The following CTNNA3 variants were observed in gnomAD, a reference collection of about 807,000 sequenced individuals.
CTNNA3 encodes catenin alpha 3, also known as catenin alpha-3.
In CTNNA3, 76 loss-of-function variants were observed where a neutral mutation model predicts 95.7. The observed-to-expected ratio is 0.79, with a 90% CI of 0.66 to 0.96. The LOEUF is 0.96. Ranked by LOEUF, CTNNA3 falls within the 40% of genes least tolerant of loss-of-function variation. CTNNA3 has a pLI of 0.00. For missense variants in CTNNA3, 1,191 were observed against 1,089.8 expected, an observed-to-expected ratio of 1.09 and a Z score of -1.31; for synonymous variants, 431 against 374.4, an observed-to-expected ratio of 1.15 and a Z score of -1.74.
intron 7 of CTNNA3, among the ~76,000 whole-genome samples, chr10:67,040,812 G>T (rs1854347004): frequency 6.6e-6 from 1 of 152,032 alleles, no homozygotes; most frequent in South Asian, 2.1e-4. Flanking sequence ...TATACCACAT[G>T]ATGTTAAATT....
intron 13 of CTNNA3, among the ~76,000 whole-genome samples, chr10:66,121,395 A>G (rs1258563852): frequency 6.6e-6 from 1 of 152,186 alleles, no homozygotes; most frequent in Non-Finnish European, 1.5e-5. Context: ...TATTCCTTCA[A>G]AAGAAGCTCC....
intron 7 of CTNNA3, among the ~76,000 whole-genome samples, chr10:66,924,407 C>T (rs1846951959): frequency 1.3e-5 from 2 of 152,114 alleles, no homozygotes; most frequent in Admixed American, 1.3e-4. Flanking sequence ...TTCAAGAATA[C>T]CATTATTTTT....
intron 9 of CTNNA3, among the ~76,000 whole-genome samples, chr10:66,694,723 T>C (rs1300888167): frequency 6.6e-6 from 1 of 152,134 alleles, no homozygotes; most frequent in Admixed American, 6.6e-5. Context: ...CATCAAACAA[T>C]AGCATACCAT....
chr10:67,724,242 G>A (rs1841196512), intron 1 of CTNNA3, among the ~76,000 whole-genome samples: 1 of 152,060 alleles, frequency 6.6e-6, no homozygotes, highest in South Asian at 2.1e-4. Context: ...TACCAGGAGT[G>A]GGCCTAGAAA....
At chr10:67,658,933 TG>T (rs1840101910) in intron 1 of CTNNA3, among the ~76,000 whole-genome samples, 1 of 152,160 alleles carries the variant, frequency 6.6e-6, no homozygotes, top group Non-Finnish European at 1.5e-5. Context: ...ATCTTATTGA[TG>T]TTTTTGAAAA....
intron 12 of CTNNA3, among the ~76,000 whole-genome samples, chr10:66,291,470 A>G (rs1272877522): frequency 6.6e-6 from 1 of 152,140 alleles, no homozygotes; most frequent in Non-Finnish European, 1.5e-5. Flanking sequence ...CACTTTTAGC[A>G]GATACAATTG....
chr10:67,120,076 A>G (rs1859384699), intron 7 of CTNNA3, among the ~76,000 whole-genome samples: 1 of 151,958 alleles, frequency 6.6e-6, no homozygotes, highest in African/African-American at 2.4e-5. Context: ...AGCACACAAG[A>G]GGGATGCAGA....
At chr10:66,702,387 T>C (rs1847973701) in intron 9 of CTNNA3, among the ~76,000 whole-genome samples, 1 of 152,006 alleles carries the variant, frequency 6.6e-6, no homozygotes, top group Non-Finnish European at 1.5e-5. Context: ...GTGGATGGCT[T>C]TTAAAAATGT....
intron 7 of CTNNA3, among the ~76,000 whole-genome samples, chr10:67,052,220 C>T (rs1038868132): frequency 6.6e-6 from 1 of 151,582 alleles, no homozygotes; most frequent in East Asian, 2.0e-4. Flanking sequence ...TTTTTAACTC[C>T]GAGAAAATTC....
At chr10:66,027,905 C>T (rs2079373325) in intron 15 of CTNNA3, among the ~76,000 whole-genome samples, 1 of 152,152 alleles carries the variant, frequency 6.6e-6, no homozygotes, top group Non-Finnish European at 1.5e-5. Flanking sequence ...TAAGAATTCT[C>T]TAACTGCTTA....
intron 10 of CTNNA3, 91 bp downstream of exon 10, chr10:66,621,601 A>G: frequency 7.8e-6 from 6 of 767,158 alleles, no homozygotes; most frequent in Non-Finnish European, 1.2e-5. Context: ...CAAAAAAAAA[A>G]AAAGAAAAAA....
At chr10:66,507,732 T>A (rs2131982005) in intron 11 of CTNNA3, among the ~76,000 whole-genome samples, 1 of 152,264 alleles carries the variant, frequency 6.6e-6, no homozygotes, top group South Asian at 2.1e-4. Context: ...ATATTACATT[T>A]TCTTTATTTA....
chr10:66,298,714 A>C (rs2091818682), intron 12 of CTNNA3, among the ~76,000 whole-genome samples: 4 of 152,194 alleles, frequency 2.6e-5, no homozygotes, highest in South Asian at 4.1e-4. Flanking sequence ...AGAGTTGGCA[A>C]GTGATCTAGT....
At chr10:66,358,173 C>T (rs960557309) in intron 12 of CTNNA3, among the ~76,000 whole-genome samples, 1 of 152,144 alleles carries the variant, frequency 6.6e-6, no homozygotes, top group Admixed American at 6.5e-5. Context: ...ACCACTACCT[C>T]CAAAGTGGAC....
At chr10:65,922,296 ATG>A (rs2133112397) in intron 17 of CTNNA3, among the ~76,000 whole-genome samples, 1 of 152,288 alleles carries the variant, frequency 6.6e-6, no homozygotes, top group African/African-American at 2.4e-5. Flanking sequence ...TATTTTTGTA[ATG>A]CATGTTGCTA....
chr10:67,524,534 A>G (rs1443980734), intron 4 of CTNNA3, among the ~76,000 whole-genome samples: 1 of 152,216 alleles, frequency 6.6e-6, no homozygotes, highest in Non-Finnish European at 1.5e-5. Context: ...TGTTTTAACT[A>G]AAGGTCGGAC....
chr10:66,789,550 A>G (rs956127117), intron 7 of CTNNA3, among the ~76,000 whole-genome samples: 4 of 152,156 alleles, frequency 2.6e-5, no homozygotes, highest in Admixed American at 1.3e-4. Flanking sequence ...AAATTTACCA[A>G]ATTCATGAAA....
chr10:67,105,238 T>TAGATAGATAGAC (rs1430442055), intron 7 of CTNNA3, among the ~76,000 whole-genome samples: 5 of 151,612 alleles, frequency 3.3e-5, no homozygotes, highest in African/African-American at 9.7e-5. Flanking sequence ...TATTAAATGA[T>TAGATAGATAGAC]AGATAGATAG....
chr10:65,952,330 G>A (rs1304686254), intron 17 of CTNNA3, among the ~76,000 whole-genome samples: 3 of 152,120 alleles, frequency 2.0e-5, no homozygotes, highest in Non-Finnish European at 4.4e-5. Context: ...TTACTTCCAT[G>A]TACCTCCTGC....
Sources: gnomAD v4.1 joint callset for allele counts (sites outside exome capture counted in the v4.1 genomes callset) on GRCh38, gnomAD v4.1.1 for gene constraint, MANE v1.5 for transcripts, NCBI Gene and HGNC (gene_info 2026-07-23, HGNC 2026-07-21) for gene names.